TGDS: variants seen among roughly 807,000 people sequenced by gnomAD.
TGDS encodes TDP-glucose 4,6-dehydratase.
In TGDS, 47 loss-of-function variants were observed where a neutral mutation model predicts 52.3. That is an observed-to-expected ratio of 0.90 (90% CI 0.71 to 1.15). TGDS has a LOEUF of 1.15. Among genes scored for constraint, TGDS ranks in the 50% most tolerant of loss-of-function variants. The pLI is 0.00. For synonymous variants in TGDS, 115 were observed against 136.9 expected, an observed-to-expected ratio of 0.84 and a Z score of 1.12; for missense variants, 375 against 418.4, an observed-to-expected ratio of 0.90 and a Z score of 0.90.
Position 94,596,129 on chromosome 13 carries a change from G to A in TGDS, c.8C>T (p.Ala3Val), listed in dbSNP as rs374701618. MSAACWEEPWGLP... is the reference protein window; with the variant it reads MSVACWEEPWGLP... ...ACCCCACGGTTCCTCCCAACACGCC[G>A]CCGACATCTCCCAGCTCAGCAGTGC... The change falls in exon 1 of 12, where the codon GCG becomes GTG. Residue 3 changes from alanine to valine, a missense_variant. Transcript: ENST00000261296. 2.7e-5 allele frequency: 44 copies of A among 1,614,034 alleles called. No homozygotes were observed. The highest frequency in any genetic ancestry group is 3.3e-4 in the Middle Eastern group (2 of 6,062).
In TGDS at chr13:94,587,267, A is replaced by C. The variant is rs527555267; in HGVS notation, c.313+3586T>G. On this transcript the variant is annotated intron_variant, in intron 4 of 11. Coordinates refer to ENST00000261296, the MANE Select transcript of TGDS (RefSeq NM_014305.4). ...CAAAGTAGAAATAATGAAATAATAA[A>C]GGTAAGACCAGAAATTCATTATATA... 3.9e-5 allele frequency among the ~76,000 whole-genome samples: 6 copies of C among 152,332 alleles called. No homozygotes were observed. The East Asian group carries it at 1.2e-3, about 29-fold the overall frequency.
At chr13:94,588,421 C>CAAAAAAAAAAAAA (rs150186125) in intron 4 of TGDS, among the ~76,000 whole-genome samples, 23 of 58,492 alleles carry the variant, frequency 3.9e-4, no homozygotes, top group South Asian at 2.0e-3. Context: ...GACTCTGTCT[C>CAAAAAAAAAAAAA]AAAAAAAAAA....
At chr13:94,587,998 C>CAAAAAAAAAA in intron 4 of TGDS, among the ~76,000 whole-genome samples, 1 of 86,398 alleles carries the variant, frequency 1.2e-5, no homozygotes, top group Non-Finnish European at 2.3e-5. Context: ...CACTCCATCT[C>CAAAAAAAAAA]AAAAAAAAAA....
intron 4 of TGDS, among the ~76,000 whole-genome samples, chr13:94,587,776 T>C (rs1315311703): frequency 1.3e-5 from 2 of 151,718 alleles, no homozygotes; most frequent in African/African-American, 2.4e-5. Flanking sequence ...GGCGGGTGGA[T>C]CACGAGGTCA....
In TGDS at chr13:94,576,396, C is replaced by A. The variant is rs1393932328; in HGVS notation, c.900G>T (p.Met300Ile). 1 of 1,594,628 alleles carries A rather than the reference C, an allele frequency of 6.3e-7. No homozygotes were observed. The highest frequency in any genetic ancestry group is 1.3e-5 in the African/African-American group (1 of 74,372). ...DYVNDRPTND[M>I]RYPMKSEKIH... ...TTTTTTCTGACTTCATTGGGTATCT[C>A]ATGTCATTGGTGGGTCTTGGAAAAC... The change falls in exon 11 of 12, where the codon ATG becomes ATT. Residue 300 changes from methionine to isoleucine, a missense_variant. Physicochemically the swap from Met to Ile is conservative, Grantham distance 10. Transcript: ENST00000261296.
chr13:94,574,258 T>C lies in TGDS; in HGVS notation c.*524A>G, dbSNP rs990620700. On this transcript the variant is annotated 3_prime_UTR_variant, in exon 12 of 12. Transcript: ENST00000261296. ...CTTTACACACTTCTCTTAAAAAGCA[T>C]TCAACGTAATCAATTTTACAAAATT... is the stretch of plus-strand genomic sequence containing the variant. 1 of 152,222 alleles carries C rather than the reference T, an allele frequency of 6.6e-6. No individual in the cohort carries two copies. Among genetic ancestry groups the C allele is most frequent in the African/African-American group, 2.4e-5 (1 of 41,450 alleles). 9.4% of individuals were successfully genotyped at this position (152,222 alleles called of 1,614,324 possible).
intron 10 of TGDS, 80 bp downstream of exon 10, chr13:94,577,291 G>T: frequency 1.9e-6 from 2 of 1,079,012 alleles, no homozygotes; most frequent in Non-Finnish European, 2.6e-6. Context: ...ACTAGTTATT[G>T]GTCAAGTCCA....
chr13:94,591,072 A>C (rs1889184758), intron 3 of TGDS, 129 bp from the exon 4 acceptor site: 2 of 630,680 alleles, frequency 3.2e-6, no homozygotes, highest in Non-Finnish European at 5.5e-6. Context: ...AAATTCAACT[A>C]AGTGCTCAAA....
In TGDS at chr13:94,574,712, A is replaced by C; in HGVS notation, c.*70T>G. The stretch of plus-strand genomic sequence containing the variant: ...AAGAGTGCACTTCATTTGGTCACTT[A>C]ATTTCATACCACTTGGCGAGGTAGG... On this transcript the variant is annotated 3_prime_UTR_variant, in exon 12 of 12. Transcript: ENST00000261296. The C allele has an allele frequency of 1.1e-6, 1 of 941,416 alleles. No individual in the cohort carries two copies. The highest frequency in any genetic ancestry group is 2.4e-5 in the East Asian group (1 of 41,318). 58.3% of individuals were successfully genotyped at this position (941,416 alleles called of 1,614,324 possible).
intron 5 of TGDS, 66 bp downstream of exon 5, chr13:94,583,028 T>G: frequency 1.3e-6 from 2 of 1,550,968 alleles, no homozygotes; most frequent in Non-Finnish European, 1.7e-6. Flanking sequence ...AAGCCCAGTG[T>G]AGGTTTAATA....
intron 9 of TGDS, 124 bp from the exon 10 acceptor site, chr13:94,577,553 C>G: frequency 2.8e-5 from 19 of 682,622 alleles, no homozygotes; most frequent in Non-Finnish European, 4.2e-5. Flanking sequence ...CTAAAATGAA[C>G]ATCATTTTAG....
At chr13:94,592,564 T>C (rs955554663) in intron 2 of TGDS, among the ~76,000 whole-genome samples, 3 of 152,126 alleles carry the variant, frequency 2.0e-5, no homozygotes, top group African/African-American at 7.2e-5. Context: ...GCCATTCTCC[T>C]GCCTCAGCCT....
chr13:94,590,467 A>G (rs1247110728), intron 4 of TGDS, among the ~76,000 whole-genome samples: 1 of 152,076 alleles, frequency 6.6e-6, no homozygotes, highest in African/African-American at 2.4e-5. Flanking sequence ...AATATGTTAT[A>G]TTTCATAATA....
Position 94,583,181 on chromosome 13 carries a change from G to A in TGDS, c.369C>T (p.His123=), listed in dbSNP as rs767859800. 2 of 1,613,840 alleles carry A rather than the reference G, an allele frequency of 1.2e-6. No homozygotes were observed. The highest frequency in any genetic ancestry group is 1.7e-6 in the Non-Finnish European group (2 of 1,179,970). ...CTTCATGAGCAGCACTTACCAAAAC[G>A]TGAGTGCCATAAACATTAACATAGG... ...EFTYVNVYGT[H]VLVSAAHEAR... Residue 123 remains histidine, a synonymous_variant, in exon 5 of 12, where the codon CAC becomes CAT. Coordinates refer to ENST00000261296, the MANE Select transcript of TGDS (RefSeq NM_014305.4).
intron 5 of TGDS, 101 bp downstream of exon 5, chr13:94,582,993 A>C (rs1166077550): frequency 1.6e-6 from 2 of 1,262,870 alleles, no homozygotes; most frequent in East Asian, 4.6e-5. Context: ...GAGTGCCACA[A>C]GTGTATATAA....
chr13:94,593,084 G>GT (rs1338065939), intron 2 of TGDS, among the ~76,000 whole-genome samples: 2 of 152,096 alleles, frequency 1.3e-5, no homozygotes. Flanking sequence ...AACCCAGGAG[G>GT]TGGAGGTTGC....
At chr13:94,591,480 C>T (rs984971034) in intron 3 of TGDS, among the ~76,000 whole-genome samples, 23 of 152,240 alleles carry the variant, frequency 1.5e-4, no homozygotes, top group African/African-American at 4.1e-4. Flanking sequence ...GTAATCCCAG[C>T]TAGTCGGGAG....
At chr13:94,591,789 A>C (rs1253396802) in intron 3 of TGDS, among the ~76,000 whole-genome samples, 1 of 152,262 alleles carries the variant, frequency 6.6e-6, no homozygotes, top group African/African-American at 2.4e-5. Flanking sequence ...ATATTCTTTA[A>C]GTTTTGTAGT....
intron 2 of TGDS, among the ~76,000 whole-genome samples, chr13:94,593,405 A>G (rs1889273523): frequency 6.6e-6 from 1 of 152,170 alleles, no homozygotes; most frequent in Non-Finnish European, 1.5e-5. Context: ...TGTCCCAATT[A>G]CCCTGATTTG....
Sources: allele counts gnomAD v4.1 joint callset (sites outside exome capture counted in the v4.1 genomes callset), GRCh38; gene constraint gnomAD v4.1.1; transcripts MANE v1.5; gene names NCBI Gene and HGNC (gene_info 2026-07-23, HGNC 2026-07-21).